The following FAM107B variants were observed in gnomAD, a reference collection of about 807,000 sequenced individuals.
FAM107B encodes the protein protein FAM107B.
In FAM107B, 21 loss-of-function variants were observed where a neutral mutation model predicts 31.5. The ratio of observed to expected loss-of-function variants is 0.67; its 90% CI spans 0.47 to 0.96. FAM107B has a LOEUF of 0.96. FAM107B is among the 40% of genes least tolerant of loss of function. The pLI is 0.00. For missense variants in FAM107B, 452 were observed against 377.1 expected (o/e 1.20, Z -1.64); for synonymous variants, 157 against 141.5 (o/e 1.11, Z -0.78).
intron 1 of FAM107B, among the ~76,000 whole-genome samples, chr10:14,670,536 G>A (rs1391538875): frequency 6.6e-6 from 1 of 152,220 alleles, no homozygotes; most frequent in South Asian, 2.1e-4. Context: ...CACAGGGGAA[G>A]TCTCTTGAGA....
intron 2 of FAM107B, among the ~76,000 whole-genome samples, chr10:14,587,552 T>C (rs528570045): frequency 2.0e-5 from 3 of 152,342 alleles, no homozygotes; most frequent in Non-Finnish European, 4.4e-5. Context: ...TTAGTATGAA[T>C]AAGAATTTGT....
At chr10:14,552,712 C>T (rs555484130) in intron 2 of FAM107B, among the ~76,000 whole-genome samples, 3 of 152,172 alleles carry the variant, frequency 2.0e-5, no homozygotes, top group African/African-American at 7.2e-5. Context: ...ACTCGTAATC[C>T]CAGCTACTTG....
rs537429713 is a variant in FAM107B, at chr10:14,640,902, GA to G, written c.469+26731del. Among the ~76,000 whole-genome samples the G allele has an allele frequency of 7.1e-4, 108 of 152,068 alleles. 1 individual carries two copies. In the East Asian group the frequency reaches 0.018, roughly 25 times the overall value. ...TCTCACATTTTCCCCTTTTTTTAAAGAAAAAAACTTGCTTTAAAGAAGTTTT... is the reference window on the plus strand; with the variant it reads ...TCTCACATTTTCCCCTTTTTTTAAAGAAAAAACTTGCTTTAAAGAAGTTTT... On this transcript the variant is annotated intron_variant, in intron 2 of 4. Coordinates refer to ENST00000181796, the MANE Select transcript of FAM107B (RefSeq NM_031453.4).
At chr10:14,644,717 G>A (rs1853710142) in intron 2 of FAM107B, among the ~76,000 whole-genome samples, 2 of 152,158 alleles carry the variant, frequency 1.3e-5, no homozygotes, top group South Asian at 4.1e-4. Flanking sequence ...TAAAATGATT[G>A]CAAAAGCATT....
chr10:14,568,742 G>C (rs1397863480), intron 2 of FAM107B, among the ~76,000 whole-genome samples: 1 of 113,072 alleles, frequency 8.8e-6, no homozygotes, highest in African/African-American at 3.1e-5. Context: ...CATGGGAGCT[G>C]GCTGATCCCA....
At chr10:14,626,070 C>A (rs150342376) in intron 2 of FAM107B, among the ~76,000 whole-genome samples, 1 of 152,192 alleles carries the variant, frequency 6.6e-6, no homozygotes, top group Non-Finnish European at 1.5e-5. Context: ...ACTTGGGACT[C>A]TTTTAAGACC....
intron 2 of FAM107B, chr10:14,571,986 TG>T: frequency 1.0e-6 from 1 of 985,444 alleles, no homozygotes; most frequent in South Asian, 4.7e-5. Context: ...GCAGTAAGAA[TG>T]CACCTTCTGA....
At chr10:14,599,963 CA>C (rs1852328749) in intron 2 of FAM107B, among the ~76,000 whole-genome samples, 1 of 151,578 alleles carries the variant, frequency 6.6e-6, no homozygotes, top group Admixed American at 6.6e-5. Flanking sequence ...CACTTAAAAA[CA>C]AAAAGTCAGT....
At chr10:14,665,745 A>G (rs186778880) in intron 2 of FAM107B, among the ~76,000 whole-genome samples, 39 of 152,346 alleles carry the variant, frequency 2.6e-4, no homozygotes, top group Admixed American at 5.9e-4. Context: ...CATTACAAGT[A>G]TCATCAACCC....
At chr10:14,704,915 T>G (rs1337155906) in intron 1 of FAM107B, among the ~76,000 whole-genome samples, 1 of 150,308 alleles carries the variant, frequency 6.7e-6, no homozygotes, top group Non-Finnish European at 1.5e-5. Context: ...TCCCAGTTAC[T>G]TGGGAAGCTA....
chr10:14,660,462 GGAAT>G (rs1437874947), intron 2 of FAM107B, among the ~76,000 whole-genome samples: 1 of 152,110 alleles, frequency 6.6e-6, no homozygotes, highest in Non-Finnish European at 1.5e-5. Flanking sequence ...TGCCCACAAG[GGAAT>G]GAATGAATGA....
At position 14,518,812 on chromosome 10, in the gene FAM107B, T is replaced by C. The variant is rs1229418738; in HGVS notation, c.*2378A>G. The C allele has an allele frequency of 6.6e-6, 1 of 152,664 alleles. No individual in the cohort carries two copies. The highest frequency in any genetic ancestry group is 1.5e-5 in the Non-Finnish European group (1 of 68,048). 9.5% of individuals were successfully genotyped at this position (152,664 alleles called of 1,614,324 possible). On this transcript the variant is annotated 3_prime_UTR_variant, in exon 5 of 5. Coordinates refer to ENST00000181796, the MANE Select transcript of FAM107B (RefSeq NM_031453.4). ...AAGCAACACTACTACTATGAGACTATAAAACATTAAACTATTTTAAGAAAA... is the reference window on the plus strand; with the variant it reads ...AAGCAACACTACTACTATGAGACTACAAAACATTAAACTATTTTAAGAAAA...
At chr10:14,559,917 C>G (rs994777942) in intron 2 of FAM107B, among the ~76,000 whole-genome samples, 1 of 152,070 alleles carries the variant, frequency 6.6e-6, no homozygotes. Flanking sequence ...ACTGTAAGAG[C>G]CTTCTCTAAA....
chr10:14,583,760 A>C, intron 2 of FAM107B, among the ~76,000 whole-genome samples: 1 of 152,076 alleles, frequency 6.6e-6, no homozygotes, highest in East Asian at 1.9e-4. Context: ...AAGGAAAAGA[A>C]ACCACTGGAC....
At chr10:14,605,598 T>C (rs1852568233) in intron 2 of FAM107B, among the ~76,000 whole-genome samples, 1 of 152,194 alleles carries the variant, frequency 6.6e-6, no homozygotes, top group Non-Finnish European at 1.5e-5. Flanking sequence ...AGCCACAGCC[T>C]GCCAGCCAAG....
intron 2 of FAM107B, among the ~76,000 whole-genome samples, chr10:14,624,086 C>T (rs868096525): frequency 6.6e-6 from 1 of 152,110 alleles, no homozygotes; most frequent in African/African-American, 2.4e-5. Flanking sequence ...GGGCTCCTAG[C>T]AAACATAAAA....
intron 2 of FAM107B, among the ~76,000 whole-genome samples, chr10:14,549,867 G>A (rs1190464031): frequency 6.6e-6 from 1 of 152,118 alleles, no homozygotes; most frequent in Non-Finnish European, 1.5e-5. Flanking sequence ...GAAAATGACC[G>A]CATCCTGCAA....
chr10:14,627,691 T>G (rs937410554), intron 2 of FAM107B, among the ~76,000 whole-genome samples: 2 of 152,160 alleles, frequency 1.3e-5, no homozygotes, highest in African/African-American at 4.8e-5. Context: ...GTAGATCGCT[T>G]GAGCCCAGGA....
chr10:14,653,732 CAG>C (rs889123456), intron 2 of FAM107B: 8 of 152,168 alleles, frequency 5.3e-5, no homozygotes, highest in Non-Finnish European at 1.0e-4. Flanking sequence ...CTCTTATACA[CAG>C]TAAAATGTAA....
Sources: gnomAD v4.1 joint callset for allele counts (sites outside exome capture counted in the v4.1 genomes callset) on GRCh38, gnomAD v4.1.1 for gene constraint, MANE v1.5 for transcripts, NCBI Gene and HGNC (gene_info 2026-07-23, HGNC 2026-07-21) for gene names.